Variants in ANKHD1 observed in about 807,000 individuals in gnomAD.
The protein encoded by ANKHD1 is ankyrin repeat and KH domain-containing protein 1.
Under a neutral mutation model 230.5 loss-of-function variants are expected in ANKHD1, and 31 were observed. The ratio of observed to expected loss-of-function variants is 0.13; its 90% CI spans 0.10 to 0.18. The LOEUF (loss-of-function observed/expected upper bound fraction) is 0.18. ANKHD1 is among the 10% of genes least tolerant of loss of function. The pLI, the probability that ANKHD1 is intolerant of heterozygous loss-of-function variation, is 1.00. For synonymous variants in ANKHD1, 1,074 were observed against 1,117.6 expected, an observed-to-expected ratio of 0.96 and a Z score of 0.78; for missense variants, 2,256 against 3,071.3, an observed-to-expected ratio of 0.73 and a Z score of 6.27.
rs1417058140 is a variant in ANKHD1, at chr5:140,496,854, C to A, written c.2580C>A (p.Thr860=). Residue 860 remains threonine, a synonymous_variant, in exon 15 of 34, where the codon ACC becomes ACA. Transcript: ENST00000360839. Reference sequence around the variant, plus strand: ...AATTTACCAAAGAATACTTGGAAACCAAAGGTCAGAAAGACACAGTGTCTC... The same window carrying A: ...AATTTACCAAAGAATACTTGGAAACAAAAGGTCAGAAAGACACAGTGTCTC... ...QQQFTKEYLE[T]KGQKDTVSLH... is the part of the protein sequence containing the mutation. 4 of 1,613,940 alleles carry A rather than the reference C, an allele frequency of 2.5e-6. No individual in the cohort carries two copies. Among genetic ancestry groups the A allele is most frequent in the Non-Finnish European group, 3.4e-6 (4 of 1,180,010 alleles).
chr5:140,444,172 T>C (rs1774096879), intron 5 of ANKHD1, among the ~76,000 whole-genome samples: 1 of 149,702 alleles, frequency 6.7e-6, no homozygotes, highest in Non-Finnish European at 1.5e-5. Context: ...ACATGCTCTT[T>C]GATGGGCTCC....
intron 3 of ANKHD1, 95 bp downstream of exon 3, chr5:140,438,712 T>C (rs1239744828): frequency 7.0e-7 from 1 of 1,437,186 alleles, no homozygotes; most frequent in African/African-American, 1.4e-5. Flanking sequence ...TGGTGGAGCT[T>C]ATAAACTTTA....
At chr5:140,404,040 T>C (rs1331398077) in intron 1 of ANKHD1, among the ~76,000 whole-genome samples, 1 of 152,242 alleles carries the variant, frequency 6.6e-6, no homozygotes, top group Non-Finnish European at 1.5e-5. Context: ...GTCCCTTGAA[T>C]GTCTACGTCT....
intron 11 of ANKHD1, among the ~76,000 whole-genome samples, chr5:140,484,229 G>A (rs943240818): frequency 1.3e-5 from 2 of 152,124 alleles, no homozygotes; most frequent in African/African-American, 2.4e-5. Context: ...AAATAAGATA[G>A]GTAGAATTAA....
intron 7 of ANKHD1, among the ~76,000 whole-genome samples, chr5:140,451,668 T>C (rs147057996): frequency 2.8e-3 from 429 of 152,122 alleles, no homozygotes; most frequent in African/African-American, 9.6e-3. Context: ...ACCACTATGC[T>C]TGGCTAATTT....
Position 140,441,184 on chromosome 5 carries a change from A to G in ANKHD1, c.913+42A>G, listed in dbSNP as rs760070473. 3.4e-6 allele frequency: 5 copies of G among 1,479,954 alleles called. No individual in the cohort carries two copies. The African/African-American group carries it at 4.3e-5, about 13-fold the overall frequency. The allele number at this position is 1,479,954 out of a possible 1,614,324, so 91.7% of individuals were successfully genotyped here. A position where few individuals can be genotyped will look rare whatever the true frequency, so the allele number is the denominator to read the frequency against. ...GTATTAATTGGGAGAAAAAATTGAC[A>G]TAATTATTACCTGAGAGAGAGAAAA... On this transcript the variant is annotated intron_variant, in intron 5 of 33. Transcript: ENST00000360839.
chr5:140,426,337 C>T (rs1020241957), intron 1 of ANKHD1, among the ~76,000 whole-genome samples: 3 of 152,088 alleles, frequency 2.0e-5, no homozygotes, highest in Admixed American at 6.6e-5. Context: ...CCATGTTGCC[C>T]AGGCTGGTCT....
Position 140,528,677 on chromosome 5 carries a change from A to G in ANKHD1, c.5731A>G (p.Ser1911Gly), listed in dbSNP as rs1347110872. 1.2e-6 allele frequency: 2 copies of G among 1,614,016 alleles called. No homozygotes were observed. The highest frequency in any genetic ancestry group is 1.7e-6 in the Non-Finnish European group (2 of 1,180,024). ...TNSSPKHNNT[S>G]RLPNQNGTVL... The stretch of plus-strand genomic sequence containing the variant: ...TAGCTCTCCAAAGCATAATAACACA[A>G]GCCGTCTACCTAACCAGAACGGGAC... The change falls in exon 29 of 34, where the codon AGC becomes GGC. Residue 1911 changes from serine to glycine, a missense_variant. This residue lies in a region of ANKHD1 where 778 missense variants were observed against 966.5 expected (regional missense o/e 0.80). Coordinates refer to ENST00000360839, the MANE Select transcript of ANKHD1 (RefSeq NM_017747.3).
In ANKHD1 at chr5:140,486,959, T is replaced by C. The variant is rs763423938; in HGVS notation, c.2144T>C (p.Val715Ala). The C allele has an allele frequency of 3.7e-6, 6 of 1,609,408 alleles. No individual in the cohort carries two copies. The highest frequency in any genetic ancestry group is 4.2e-6 in the Non-Finnish European group (5 of 1,177,526). Residue 715 changes from valine (V) to alanine (A), a missense_variant and splice_region_variant, in exon 14 of 34, where the codon GTG (valine) becomes GCG (alanine). Around this residue, in one of 13 missense-constraint regions of ANKHD1, gnomAD observed 358 missense variants for 397.7 expected, o/e 0.90. Coordinates refer to ENST00000360839, the MANE Select transcript of ANKHD1 (RefSeq NM_017747.3). Reference sequence around the variant, plus strand: ...TTTTTTTCTGAGTTGACTTTTTAGGTGCCACGTGTGCCAACGCATACACTT... The same window carrying C: ...TTTTTTTCTGAGTTGACTTTTTAGGCGCCACGTGTGCCAACGCATACACTT... ...LPPPSQDQSQVPRVPTHTLAM... is the reference protein window; with the variant it reads ...LPPPSQDQSQAPRVPTHTLAM...
At position 140,528,963 on chromosome 5, in the gene ANKHD1, C is replaced by G; in HGVS notation, c.6017C>G (p.Ala2006Gly). 3 of 1,614,214 alleles carry G rather than the reference C, an allele frequency of 1.9e-6. No homozygotes were observed. Among genetic ancestry groups the G allele is most frequent in the Non-Finnish European group, 2.5e-6 (3 of 1,180,050 alleles). The change falls in exon 29 of 34, where the codon GCA becomes GGA. Residue 2006 changes from alanine (A) to glycine (G), a missense_variant. This residue lies in a region of ANKHD1 where 778 missense variants were observed against 966.5 expected (regional missense o/e 0.80). Transcript: ENST00000360839. ...CAAGCTCCCACCACATTTCTACCTG[C>G]AAGTACTTCTCAAGCACAGCTTTCT... ...SGQAPTTFLPASTSQAQLSSQ... is the reference protein window; with the variant it reads ...SGQAPTTFLPGSTSQAQLSSQ...
At chr5:140,509,941 AAAG>A (rs1752687567) in intron 21 of ANKHD1, 75 bp from the exon 22 acceptor site, 4 of 1,546,330 alleles carry the variant, frequency 2.6e-6, no homozygotes, top group South Asian at 2.5e-5. Flanking sequence ...TTATTTTGTA[AAAG>A]AAGAAGATAG....
rs560752458 is a variant in ANKHD1 at position 140,414,785 on chromosome 5, A to T, written c.306+12512A>T. ...GTGGTCGAGGCTGCAATAAGCTGTG[A>T]CTGCCACTGTCACTGCACTCCAGCC... On this transcript the variant is annotated intron_variant, in intron 1 of 33. Coordinates refer to ENST00000360839, the MANE Select transcript of ANKHD1 (RefSeq NM_017747.3). Among the ~76,000 whole-genome samples the T allele has an allele frequency of 3.3e-5, 5 of 151,596 alleles. 1 individual carries two copies. The highest frequency in any genetic ancestry group is 1.2e-4 in the African/African-American group (5 of 41,288).
chr5:140,409,303 G>A (rs924231266), intron 1 of ANKHD1, among the ~76,000 whole-genome samples: 2 of 152,112 alleles, frequency 1.3e-5, no homozygotes, highest in African/African-American at 2.4e-5. Context: ...TATGGTAAAT[G>A]TATCATTTTG....
intron 26 of ANKHD1, among the ~76,000 whole-genome samples, 163 bp from the exon 27 acceptor site, chr5:140,526,765 A>G (rs552743586): frequency 1.3e-5 from 2 of 152,336 alleles, no homozygotes; most frequent in South Asian, 4.1e-4. Flanking sequence ...AAAATAAATG[A>G]TGGGTTCTTT....
At chr5:140,478,528 CTAGAA>C (rs1333728390) in intron 10 of ANKHD1, among the ~76,000 whole-genome samples, 3 of 151,732 alleles carry the variant, frequency 2.0e-5, no homozygotes, top group African/African-American at 7.3e-5. Flanking sequence ...AAAATTGACT[CTAGAA>C]TAGGAAACCA....
At chr5:140,523,565 CTTT>C (rs58102859) in intron 24 of ANKHD1, among the ~76,000 whole-genome samples, 2 of 138,224 alleles carry the variant, frequency 1.4e-5, no homozygotes, top group African/African-American at 2.6e-5. Flanking sequence ...TGACTGTTTA[CTTT>C]TTTTTTTTTT....
intron 14 of ANKHD1, 98 bp from the exon 15 acceptor site, chr5:140,496,422 G>A (rs1002315120): frequency 3.1e-6 from 4 of 1,299,420 alleles, no homozygotes; most frequent in Non-Finnish European, 4.0e-6. Context: ...GTCCGTGTGT[G>A]TGGGAGGGGA....
chr5:140,473,503 T>A (rs1027710604), intron 10 of ANKHD1, among the ~76,000 whole-genome samples: 2 of 151,996 alleles, frequency 1.3e-5, no homozygotes, highest in African/African-American at 4.8e-5. Flanking sequence ...TGCAGTGGTG[T>A]GCTCTTGGCT....
chr5:140,512,736 T>G (rs1752824729), intron 22 of ANKHD1, 92 bp from the exon 23 acceptor site: 1 of 1,217,616 alleles, frequency 8.2e-7, no homozygotes, highest in African/African-American at 1.6e-5. Context: ...AGGGATTCCT[T>G]TGTAATTCTG....
Sources: gnomAD v4.1 joint callset for allele counts (sites outside exome capture counted in the v4.1 genomes callset) on GRCh38, gnomAD v4.1.1 for gene constraint, gnomAD v4.1.1 regional missense constraint, MANE v1.5 for transcripts, NCBI Gene and HGNC (gene_info 2026-07-23, HGNC 2026-07-21) for gene names.